PPFIBP2: variants seen among roughly 807,000 people sequenced by gnomAD.
PPFIBP2 encodes the protein liprin-beta-2.
PPFIBP2 carries 118 observed loss-of-function variants against 118.3 expected under a neutral mutation model. The ratio of observed to expected loss-of-function variants is 1.00; its 90% CI spans 0.86 to 1.16. The LOEUF is 1.16. Ranked by LOEUF, PPFIBP2 falls within the 50% of genes most tolerant of loss-of-function variation. The pLI, the probability that PPFIBP2 is intolerant of heterozygous loss-of-function variation, is 0.00. For missense variants in PPFIBP2, 1,195 were observed against 1,073.1 expected (o/e 1.11, Z -1.59); for synonymous variants, 414 against 397.4 (o/e 1.04, Z -0.50).
intron 6 of PPFIBP2, among the ~76,000 whole-genome samples, chr11:7,619,306 G>T (rs1471551068): frequency 6.6e-6 from 1 of 152,212 alleles, no homozygotes; most frequent in African/African-American, 2.4e-5. Context: ...AGACCTGAAG[G>T]ATGGGCAGGA....
intron 3 of PPFIBP2, among the ~76,000 whole-genome samples, chr11:7,566,308 A>G (rs1038740110): frequency 6.6e-6 from 1 of 152,182 alleles, no homozygotes; most frequent in African/African-American, 2.4e-5. Flanking sequence ...TTTTGATTCT[A>G]TATCCTGTAT....
In PPFIBP2 at chr11:7,561,754, C is replaced by T. The variant is rs150990936; in HGVS notation, c.65-3799C>T. Among the ~76,000 whole-genome samples, 105 of 152,330 alleles carry T rather than the reference C, an allele frequency of 6.9e-4. 1 individual carries two copies. The highest frequency in any genetic ancestry group is 2.5e-3 in the African/African-American group (103 of 41,568). On this transcript the variant is annotated intron_variant, in intron 2 of 23. Transcript: ENST00000299492. ...ACATAAATTACCCCAAACATAACAT[C>T]ATACAATAATAAACATTTATCATCT...
At chr11:7,653,758 C>T, downstream of PPFIBP2, 1 of 1,207,266 alleles carries the variant, frequency 8.3e-7, no homozygotes, top group Non-Finnish European at 1.1e-6. Flanking sequence ...ATGCGGAAAG[C>T]AAGCAGCTCA....
intron 5 of PPFIBP2, among the ~76,000 whole-genome samples, chr11:7,606,271 A>T (rs949650034): frequency 6.6e-6 from 1 of 152,236 alleles, no homozygotes; most frequent in Non-Finnish European, 1.5e-5. Flanking sequence ...TTGAAAAAAC[A>T]TGATTCACTT....
rs1383016936 is a variant in PPFIBP2, at chr11:7,653,149, C to T, written c.2562C>T (p.Gly854=). 1.9e-6 allele frequency: 3 copies of T among 1,614,250 alleles called. No individual in the cohort carries two copies. The highest frequency in any genetic ancestry group is 2.5e-6 in the Non-Finnish European group (3 of 1,180,046). Residue 854 remains glycine (G), a synonymous_variant, in exon 24 of 24, where the codon GGC becomes GGT. Coordinates refer to ENST00000299492, the MANE Select transcript of PPFIBP2 (RefSeq NM_003621.5). ...GTGATAGTCACAGGGTCTACAGTGG[C>T]TACCGGGGCCTCAGCCCCCTTGATG... The part of the protein sequence containing the change: ...GVSDSHRVYS[G]YRGLSPLDAP...
chr11:7,553,645 A>G (rs1344326047), intron 2 of PPFIBP2, among the ~76,000 whole-genome samples: 3 of 152,200 alleles, frequency 2.0e-5, no homozygotes, highest in African/African-American at 7.2e-5. Context: ...TTACTTATCG[A>G]TAAAATAGCA....
chr11:7,626,150 G>T (rs1389796372), intron 8 of PPFIBP2, among the ~76,000 whole-genome samples: 1 of 152,174 alleles, frequency 6.6e-6, no homozygotes, highest in East Asian at 1.9e-4. Context: ...TTTCTCAGAT[G>T]CACAGAAGTT....
intron 1 of PPFIBP2, among the ~76,000 whole-genome samples, chr11:7,534,073 G>A (rs1850987035): frequency 6.6e-6 from 1 of 152,226 alleles, no homozygotes; most frequent in Non-Finnish European, 1.5e-5. Flanking sequence ...GAGGTGAGAG[G>A]TAAGGAGAGT....
intron 2 of PPFIBP2, among the ~76,000 whole-genome samples, chr11:7,559,415 T>C (rs1204411477): frequency 6.6e-6 from 1 of 152,190 alleles, no homozygotes; most frequent in Non-Finnish European, 1.5e-5. Flanking sequence ...GAAATGAGCC[T>C]CCTGGGAGAT....
At chr11:7,661,784 G>A (rs1184808888), downstream of PPFIBP2, among the ~76,000 whole-genome samples, 2 of 90,436 alleles carry the variant, frequency 2.2e-5, no homozygotes, top group African/African-American at 7.3e-5. Context: ...GGGAGTCTAA[G>A]TCTCTTTGTA....
chr11:7,559,382 G>C (rs1209940396), intron 2 of PPFIBP2, among the ~76,000 whole-genome samples: 1 of 152,128 alleles, frequency 6.6e-6, no homozygotes, highest in Non-Finnish European at 1.5e-5. Flanking sequence ...GGAGGTAATT[G>C]TGGGAAATGT....
chr11:7,597,209 G>A (rs1293845697), intron 4 of PPFIBP2: 2 of 1,497,040 alleles, frequency 1.3e-6, no homozygotes, highest in Non-Finnish European at 1.8e-6. Flanking sequence ...TGGCAAGCCA[G>A]CTGAGATGTG....
At chr11:7,599,556 A>G (rs2135359418) in intron 5 of PPFIBP2, among the ~76,000 whole-genome samples, 1 of 151,896 alleles carries the variant, frequency 6.6e-6, no homozygotes, top group African/African-American at 2.4e-5. Flanking sequence ...ACCTGGGGAG[A>G]GGCTGTCTAG....
intron 9 of PPFIBP2, among the ~76,000 whole-genome samples, chr11:7,629,204 T>C (rs1850426929): frequency 6.6e-6 from 1 of 152,172 alleles, no homozygotes; most frequent in South Asian, 2.1e-4. Context: ...GTTTCGTGCT[T>C]CTGAAAATGT....
At chr11:7,538,349 C>T (rs966306921) in intron 1 of PPFIBP2, 1 of 152,526 alleles carries the variant, frequency 6.6e-6, no homozygotes, top group African/African-American at 2.4e-5. Context: ...TCGGGGCACC[C>T]GGAGGTGAGG....
chr11:7,543,725 T>A (rs1354536001), intron 1 of PPFIBP2, among the ~76,000 whole-genome samples: 1 of 152,236 alleles, frequency 6.6e-6, no homozygotes, highest in Non-Finnish European at 1.5e-5. Flanking sequence ...CTTACCTTCA[T>A]CAGTGGTTGC....
intron 3 of PPFIBP2, chr11:7,577,532 C>T (rs981382848): frequency 1.3e-5 from 6 of 456,292 alleles, no homozygotes; most frequent in African/African-American, 1.2e-4. Context: ...GAACTGGTCT[C>T]CAGCCAGGAA....
At chr11:7,640,700 T>G (rs1423322645) in intron 15 of PPFIBP2, among the ~76,000 whole-genome samples, 2 of 152,184 alleles carry the variant, frequency 1.3e-5, no homozygotes, top group African/African-American at 4.8e-5. Context: ...TAGTCTGAGC[T>G]GAGTGAGCCC....
the PPFIBP2 span, chr11:7,666,484 T>G: frequency 6.2e-7 from 1 of 1,612,948 alleles, no homozygotes; most frequent in South Asian, 1.1e-5. Context: ...TACCACAGGT[T>G]GAACTGGTCT....
Sources: allele counts gnomAD v4.1 joint callset (sites outside exome capture counted in the v4.1 genomes callset), GRCh38; gene constraint gnomAD v4.1.1; transcripts MANE v1.5; gene names NCBI Gene and HGNC (gene_info 2026-07-23, HGNC 2026-07-21).